Variants in RAP1GAP2 observed in about 807,000 individuals in gnomAD.
RAP1GAP2 encodes the protein RAP1 GTPase activating protein 2.
Under a neutral mutation model 95.0 loss-of-function variants are expected in RAP1GAP2, and 27 were observed. That is an observed-to-expected ratio of 0.28 (90% CI 0.21 to 0.39). The LOEUF (loss-of-function observed/expected upper bound fraction) is 0.39, where lower values mean the gene tolerates loss of function less well. Ranked by LOEUF, RAP1GAP2 falls within the 10% of genes least tolerant of loss-of-function variation. The probability of loss-of-function intolerance (pLI) is 1.00; values close to 1 mark genes in which losing one functional copy is unlikely to be tolerated. For synonymous variants in RAP1GAP2, 373 were observed against 380.9 expected (o/e 0.98, Z 0.24); for missense variants, 771 against 970.0 (o/e 0.79, Z 2.72).
At chr17:2,971,869 G>A (rs1238170454) in intron 8 of RAP1GAP2, among the ~76,000 whole-genome samples, 1 of 152,152 alleles carries the variant, frequency 6.6e-6, no homozygotes, top group East Asian at 1.9e-4. Context: ...AATAATTTGA[G>A]ACTTGATAAA....
rs1357723611 is a variant in RAP1GAP2 at position 2,903,295 on chromosome 17, T to C, written c.81-1989T>C. The stretch of plus-strand genomic sequence containing the variant: ...AAGGCCAGGCCCATTGAGGAGGAGC[T>C]GTGGCTGCTTGGGAGAGGGCCAGGT... On this transcript the variant is annotated intron_variant, in intron 2 of 24. Transcript: ENST00000254695. This position sits in a 1 kb window ranked among gnomAD's most constrained non-coding sequence, Gnocchi z 4.1. Among the ~76,000 whole-genome samples, 1 of 152,118 alleles carries C rather than the reference T, an allele frequency of 6.6e-6. No individual in the cohort carries two copies. The highest frequency in any genetic ancestry group is 1.5e-5 in the Non-Finnish European group (1 of 68,026).
chr17:2,775,949 C>A (rs578001712), upstream of RAP1GAP2, among the ~76,000 whole-genome samples: 1 of 152,304 alleles, frequency 6.6e-6, no homozygotes, highest in Non-Finnish European at 1.5e-5. Flanking sequence ...GAGGCCGAGG[C>A]GGGTGGATCA....
intron 2 of RAP1GAP2, among the ~76,000 whole-genome samples, chr17:2,889,896 T>A (rs1437762225): frequency 1.1e-4 from 15 of 138,656 alleles, no homozygotes; most frequent in African/African-American, 4.0e-4. Context: ...TATATTTTTT[T>A]TTTTTTTTGT....
intron 23 of RAP1GAP2, 42 bp from the exon 24 acceptor site, chr17:3,032,369 G>C (rs1216480615): frequency 1.2e-6 from 2 of 1,613,430 alleles, no homozygotes; most frequent in Non-Finnish European, 8.5e-7. Flanking sequence ...GACCTGTGCT[G>C]TCTGGTTATT....
intron 18 of RAP1GAP2, among the ~76,000 whole-genome samples, chr17:3,018,679 G>A (rs2046858705): frequency 6.6e-6 from 1 of 152,196 alleles, no homozygotes; most frequent in Admixed American, 6.5e-5. Context: ...TGCCCGAGAT[G>A]GGTGCTGATG....
At chr17:2,758,651 A>G (rs1248303447) in intron 1 of RAP1GAP2, among the ~76,000 whole-genome samples, 1 of 152,164 alleles carries the variant, frequency 6.6e-6, no homozygotes, top group Non-Finnish European at 1.5e-5. Context: ...ATGGCCAGCC[A>G]TGCTCCAGCT....
chr17:3,023,600 G>A (rs995108513), intron 19 of RAP1GAP2, among the ~76,000 whole-genome samples: 8 of 151,918 alleles, frequency 5.3e-5, no homozygotes, highest in Non-Finnish European at 4.4e-5. Context: ...TCCAGGGAGT[G>A]GTCAGAGTTA....
intron 17 of RAP1GAP2, 47 bp from the exon 18 acceptor site, chr17:3,018,014 C>G: frequency 6.5e-7 from 1 of 1,538,536 alleles, no homozygotes; most frequent in Non-Finnish European, 8.8e-7. Context: ...CAGAGTCATC[C>G]GGAGAGCCCG....
intron 3 of RAP1GAP2, among the ~76,000 whole-genome samples, chr17:2,937,161 A>AG (rs2043331529): frequency 6.6e-6 from 1 of 152,148 alleles, no homozygotes. Context: ...CTAAAGGCCA[A>AG]GTAGGAGTCA....
At chr17:2,850,681 C>T (rs1158759370) in intron 2 of RAP1GAP2, among the ~76,000 whole-genome samples, 2 of 138,220 alleles carry the variant, frequency 1.4e-5, no homozygotes, top group Non-Finnish European at 3.0e-5. Flanking sequence ...ACCCGGTTGG[C>T]GGAAGTTGCA....
At chr17:2,979,460 G>GTTTTTTTTTTTTTTTTTTTTTTTTTT (rs71153320) in intron 8 of RAP1GAP2, among the ~76,000 whole-genome samples, 1 of 78,606 alleles carries the variant, frequency 1.3e-5, no homozygotes. Context: ...GGCGTGTTCT[G>GTTTTTTTTTTTTTTTTTTTTTTTTTT]TTTTTTTTTT....
rs1348815733 is a variant in RAP1GAP2 at position 2,866,875 on chromosome 17, C to T, written c.81-38409C>T. 6.6e-6 allele frequency among the ~76,000 whole-genome samples: 1 copy of T among 150,824 alleles called. No homozygotes were observed. The highest frequency in any genetic ancestry group is 1.5e-5 in the Non-Finnish European group (1 of 67,834). ...TTGGCCTCCCAAAGTGCTGGGATTA[C>T]AGGTGTGAGCCACTGCACTCGGCCT... On this transcript the variant is annotated intron_variant, in intron 2 of 24. Transcript: ENST00000254695. This position sits in a 1 kb window ranked among gnomAD's most constrained non-coding sequence, Gnocchi z 4.0.
intron 12 of RAP1GAP2, among the ~76,000 whole-genome samples, chr17:2,991,623 C>T (rs1158007645): frequency 6.6e-6 from 1 of 152,220 alleles, no homozygotes; most frequent in Admixed American, 6.5e-5. Flanking sequence ...CCCTGGGCCC[C>T]GCCCCAGATG....
At chr17:2,974,967 G>T (rs753631297) in intron 8 of RAP1GAP2, among the ~76,000 whole-genome samples, 25 of 152,318 alleles carry the variant, frequency 1.6e-4, no homozygotes, top group Non-Finnish European at 2.4e-4. Context: ...GGTAGCTCAC[G>T]CCTGTAATCC....
Position 3,003,073 on chromosome 17 carries a change from A to G in RAP1GAP2, c.1201-2296A>G, listed in dbSNP as rs1374216502. Among the ~76,000 whole-genome samples, 1 of 152,106 alleles carries G rather than the reference A, an allele frequency of 6.6e-6. No individual in the cohort carries two copies. Among genetic ancestry groups the G allele is most frequent in the Admixed American group, 6.5e-5 (1 of 15,278 alleles). On this transcript the variant is annotated intron_variant, in intron 14 of 24. Transcript: ENST00000254695. The surrounding 1 kb of genome is among the most constrained non-coding windows in gnomAD (Gnocchi z 4.1). ...CTGGGTCCTTAGACGCACAGTCTTG[A>G]ATCCTGACAAGCCCCTGGTGAGACA...
In RAP1GAP2 at chr17:3,037,615, T is replaced by C. The variant is rs1295757651; in HGVS notation, c.*4254T>C. On this transcript the variant is annotated 3_prime_UTR_variant, in exon 25 of 25. Transcript: ENST00000254695. ...TAATGTAAATAATGTACATTTAATT[T>C]ATTGCTATGGTAGCACATTGTATTT... 6.6e-6 allele frequency: 1 copy of C among 152,550 alleles called. No individual in the cohort carries two copies. The highest frequency in any genetic ancestry group is 2.4e-5 in the African/African-American group (1 of 41,418). The allele number at this position is 152,550 out of a possible 1,614,324, so 9.4% of individuals were successfully genotyped here.
rs774472881 is a variant in RAP1GAP2 at position 2,965,614 on chromosome 17, G to A, written c.567G>A (p.Glu189=). The A allele has an allele frequency of 9.3e-6, 15 of 1,611,814 alleles. No homozygotes were observed. Among genetic ancestry groups the A allele is most frequent in the African/African-American group, 2.7e-5 (2 of 74,880 alleles). The part of the protein sequence containing the change: ...LILSVKCEEA[E]GIEYLRVILR... ...TGTCCGTCAAGTGCGAGGAAGCAGA[G>A]GGGATCGAGTACCTCCGGGTCATCC... The change falls in exon 8 of 25, where the codon GAG becomes GAA. Residue 189 remains glutamate (E), a synonymous_variant. Transcript: ENST00000254695. This position sits in a 1 kb window ranked among gnomAD's most constrained non-coding sequence, Gnocchi z 4.7.
chr17:2,928,574 C>T (rs573197672), intron 3 of RAP1GAP2, among the ~76,000 whole-genome samples: 15 of 152,274 alleles, frequency 9.9e-5, no homozygotes, highest in Non-Finnish European at 1.0e-4. Flanking sequence ...AAGTCCTTCT[C>T]GTGGTCCCCC....
chr17:2,829,131 C>T (rs1479932044), intron 2 of RAP1GAP2, among the ~76,000 whole-genome samples: 4 of 151,756 alleles, frequency 2.6e-5, no homozygotes, highest in Non-Finnish European at 5.9e-5. Flanking sequence ...TACAGGCACC[C>T]GCCACCACGC....
Sources: gnomAD v4.1 joint callset for allele counts (sites outside exome capture counted in the v4.1 genomes callset) on GRCh38, gnomAD v4.1.1 for gene constraint, Gnocchi (gnomAD v3.1) non-coding constraint, MANE v1.5 for transcripts, NCBI Gene and HGNC (gene_info 2026-07-23, HGNC 2026-07-21) for gene names.